Variants in DOCK1 observed in about 807,000 individuals in gnomAD.
The protein encoded by DOCK1 is dedicator of cytokinesis protein 1.
DOCK1 carries 138 observed loss-of-function variants against 262.7 expected under a neutral mutation model. The ratio of observed to expected loss-of-function variants is 0.53; its 90% CI spans 0.46 to 0.61. The LOEUF (loss-of-function observed/expected upper bound fraction) is 0.61, where lower values mean the gene tolerates loss of function less well. Among genes scored for constraint, DOCK1 ranks in the 20% least tolerant of loss-of-function variants. DOCK1 has a pLI of 0.00. For missense variants in DOCK1, 1,908 were observed against 2,370.7 expected, an observed-to-expected ratio of 0.80 and a Z score of 4.05; for synonymous variants, 866 against 867.4, an observed-to-expected ratio of 1.00 and a Z score of 0.03.
At chr10:127,365,731 C>A (rs2064869397) in intron 33 of DOCK1, among the ~76,000 whole-genome samples, 1 of 152,146 alleles carries the variant, frequency 6.6e-6, no homozygotes, top group African/African-American at 2.4e-5. Context: ...CCCTCACATT[C>A]TTTTGTCTCA....
At chr10:127,089,748 G>A (rs949447008) in intron 23 of DOCK1, among the ~76,000 whole-genome samples, 1 of 152,220 alleles carries the variant, frequency 6.6e-6, no homozygotes, top group Non-Finnish European at 1.5e-5. Context: ...CTCCAGGAGA[G>A]ATGCTGCCCA....
chr10:127,407,039 G>A lies in DOCK1; in HGVS notation c.4123-1998G>A, dbSNP rs574760820. Among the ~76,000 whole-genome samples, 31 of 151,646 alleles carry A rather than the reference G, an allele frequency of 2.0e-4. 1 individual carries two copies. In the South Asian group the frequency reaches 5.9e-3, roughly 29 times the overall value. On this transcript the variant is annotated intron_variant, in intron 40 of 51. Coordinates refer to ENST00000623213, the MANE Select transcript of DOCK1 (RefSeq NM_001290223.2). ...CTTGACTTTTTTTTTTCGGGGGGGC[G>A]GTGGGGAGAAATAGAGCATTTTTCT...
chr10:127,174,437 A>T (rs1334877107), intron 27 of DOCK1, among the ~76,000 whole-genome samples: 1 of 152,174 alleles, frequency 6.6e-6, no homozygotes, highest in Non-Finnish European at 1.5e-5. Context: ...TCAAGAACTA[A>T]AACCCCACCT....
intron 27 of DOCK1, among the ~76,000 whole-genome samples, chr10:127,128,496 G>A (rs906992696): frequency 1.3e-5 from 2 of 151,732 alleles, no homozygotes; most frequent in African/African-American, 4.8e-5. Flanking sequence ...TAGGTTTTAA[G>A]CCCTGCATGC....
At chr10:127,215,545 A>G (rs925257139) in intron 27 of DOCK1, among the ~76,000 whole-genome samples, 4 of 152,208 alleles carry the variant, frequency 2.6e-5, no homozygotes, top group Non-Finnish European at 4.4e-5. Context: ...GCAGGTACCA[A>G]TAATGATGGA....
chr10:127,230,680 C>T (rs1225387628), intron 27 of DOCK1, among the ~76,000 whole-genome samples: 2 of 151,940 alleles, frequency 1.3e-5, no homozygotes, highest in African/African-American at 4.8e-5. Context: ...TATATTAGAT[C>T]TTAAAAAATC....
chr10:127,136,175 G>C (rs187602321), intron 27 of DOCK1: 17 of 152,192 alleles, frequency 1.1e-4, no homozygotes, highest in African/African-American at 4.1e-4. Flanking sequence ...ATGTTTACAC[G>C]ACATACTCTT....
chr10:127,160,580 G>A (rs900246377), intron 27 of DOCK1, among the ~76,000 whole-genome samples: 2 of 152,210 alleles, frequency 1.3e-5, no homozygotes, highest in Non-Finnish European at 2.9e-5. Flanking sequence ...GGAGCAGCAC[G>A]TTGGATAGTG....
At chr10:126,933,155 G>A (rs2034307417) in intron 1 of DOCK1, among the ~76,000 whole-genome samples, 3 of 152,098 alleles carry the variant, frequency 2.0e-5, no homozygotes, top group African/African-American at 7.2e-5. Context: ...AGATTCTGTG[G>A]AGGTGTTGAG....
intron 46 of DOCK1, among the ~76,000 whole-genome samples, chr10:127,420,925 G>A (rs1157382845): frequency 6.6e-6 from 1 of 151,470 alleles, no homozygotes; most frequent in African/African-American, 2.4e-5. Context: ...TTGTTTGTTT[G>A]TTTGTTTTGG....
chr10:126,933,861 C>T (rs2034358936), intron 1 of DOCK1, among the ~76,000 whole-genome samples: 1 of 152,108 alleles, frequency 6.6e-6, no homozygotes, highest in Non-Finnish European at 1.5e-5. Flanking sequence ...GTTGCCTAGG[C>T]TGGAGTTCAA....
At chr10:127,135,157 G>A (rs2050581768) in intron 27 of DOCK1, among the ~76,000 whole-genome samples, 1 of 152,168 alleles carries the variant, frequency 6.6e-6, no homozygotes, top group Non-Finnish European at 1.5e-5. Context: ...CTCCTGCTAT[G>A]AGCCTGTGTG....
rs1233403811 is a variant in DOCK1, at chr10:127,205,815, A to G, written c.2848-42193A>G. Among the ~76,000 whole-genome samples the G allele has an allele frequency of 3.3e-5, 5 of 152,210 alleles. No homozygotes were observed. The East Asian group carries it at 9.6e-4, about 29-fold the overall frequency. On this transcript the variant is annotated intron_variant, in intron 27 of 51. Transcript: ENST00000623213. ...AATGTCTATATACCATGTAAGACAC[A>G]ATGGTCTCCCATAGCCTTCCCCTGT...
rs1413474450 is a variant in DOCK1 at position 127,100,269 on chromosome 10, G to A, written c.2446-5962G>A. The stretch of plus-strand genomic sequence containing the variant: ...GCCAATGGGAGGCAGTAGCCGTGCG[G>A]CCCAGGTGCTGTTTGTTCCGGGGGG... On this transcript the variant is annotated intron_variant, in intron 23 of 51. Coordinates refer to ENST00000623213, the MANE Select transcript of DOCK1 (RefSeq NM_001290223.2). This position sits in a 1 kb window ranked among gnomAD's most constrained non-coding sequence, Gnocchi z 5.5. Among the ~76,000 whole-genome samples, 1 of 152,168 alleles carries A rather than the reference G, an allele frequency of 6.6e-6. No homozygotes were observed. The highest frequency in any genetic ancestry group is 1.5e-5 in the Non-Finnish European group (1 of 68,024).
intron 27 of DOCK1, among the ~76,000 whole-genome samples, chr10:127,232,904 G>C (rs752623887): frequency 2.6e-5 from 4 of 152,122 alleles, no homozygotes; most frequent in Non-Finnish European, 4.4e-5. Context: ...ACTGCATGCT[G>C]TTAAGATCTC....
chr10:126,949,818 G>T (rs1359240829), intron 1 of DOCK1, among the ~76,000 whole-genome samples: 1 of 152,008 alleles, frequency 6.6e-6, no homozygotes, highest in African/African-American at 2.4e-5. Context: ...TCTCTGGCTG[G>T]TTTTATGAGG....
At chr10:126,932,267 G>A (rs2034241418) in intron 1 of DOCK1, among the ~76,000 whole-genome samples, 2 of 152,212 alleles carry the variant, frequency 1.3e-5, no homozygotes, top group Admixed American at 6.5e-5. Context: ...GCTGGGGCGG[G>A]GTGTGTTGGC....
chr10:127,261,242 C>T (rs2060080468), intron 29 of DOCK1, among the ~76,000 whole-genome samples: 1 of 79,934 alleles, frequency 1.3e-5, no homozygotes, highest in African/African-American at 5.2e-5. Flanking sequence ...CGTGTGTGTA[C>T]CTGCATGTGT....
At chr10:127,061,798 G>A (rs772793558) in intron 23 of DOCK1, 22 bp downstream of exon 23, 1 of 1,541,444 alleles carries the variant, frequency 6.5e-7, no homozygotes, top group Admixed American at 2.0e-5. Context: ...CCACTGCCAA[G>A]GCAGACTTCT....
Sources: gnomAD v4.1 joint callset for allele counts (sites outside exome capture counted in the v4.1 genomes callset) on GRCh38, gnomAD v4.1.1 for gene constraint, Gnocchi (gnomAD v3.1) non-coding constraint, MANE v1.5 for transcripts, NCBI Gene and HGNC (gene_info 2026-07-23, HGNC 2026-07-21) for gene names.